Variants in PLAA observed in about 807,000 individuals in gnomAD.
The protein encoded by PLAA is phospholipase A2 activating protein.
In PLAA, 48 loss-of-function variants were observed where a neutral mutation model predicts 84.1. The ratio of observed to expected loss-of-function variants is 0.57; its 90% CI spans 0.45 to 0.73. PLAA has a LOEUF of 0.73. Ranked by LOEUF, PLAA falls within the 30% of genes least tolerant of loss-of-function variation. The probability of loss-of-function intolerance (pLI) is 0.00; values close to 1 mark genes in which losing one functional copy is unlikely to be tolerated. For synonymous variants in PLAA, 392 were observed against 336.6 expected, an observed-to-expected ratio of 1.16 and a Z score of -1.80; for missense variants, 903 against 954.7, an observed-to-expected ratio of 0.95 and a Z score of 0.71.
chr9:26,947,056 T>C lies in PLAA; in HGVS notation c.-11A>G. On this transcript the variant is annotated 5_prime_UTR_variant, in exon 1 of 14. Coordinates refer to ENST00000397292, the MANE Select transcript of PLAA (RefSeq NM_001031689.3). ...TGCGCCGCTCGTCATGGCCAGTGTC[T>C]GTCTGGCGCCCGGTGCCCAGGCACT... 6 of 1,567,662 alleles carry C rather than the reference T, an allele frequency of 3.8e-6. No homozygotes were observed. The highest frequency in any genetic ancestry group is 5.2e-6 in the Non-Finnish European group (6 of 1,157,524).
chr9:26,939,484 C>CAAAAAAAAAAAAAAAA (rs58833364), intron 1 of PLAA, among the ~76,000 whole-genome samples: 1 of 76,922 alleles, frequency 1.3e-5, no homozygotes, highest in Non-Finnish European at 2.8e-5. Context: ...GATGAGAGAC[C>CAAAAAAAAAAAAAAAA]AAAAAAAAAA....
chr9:26,947,013 G>A lies in PLAA; in HGVS notation c.33C>T (p.Ser11=), dbSNP rs769029483. Residue 11 remains serine (S), a synonymous_variant, in exon 1 of 14, where the codon AGC becomes AGT. Coordinates refer to ENST00000397292, the MANE Select transcript of PLAA (RefSeq NM_001031689.3). ...CCAGCTCGTGGCCCCGGAGCGAGCA[G>A]CTCAGCCGGTACCTGGTTGCGCCGC... MTSGATRYRL[S]CSLRGHELDV... The A allele has an allele frequency of 1.3e-6, 2 of 1,592,618 alleles. No homozygotes were observed. Among genetic ancestry groups the A allele is most frequent in the Admixed American group, 1.7e-5 (1 of 57,298 alleles).
chr9:26,907,631 C>A, intron 13 of PLAA: 1 of 520,936 alleles, frequency 1.9e-6, no homozygotes, highest in Non-Finnish European at 3.3e-6. Flanking sequence ...TCATATATTA[C>A]CTTCAGATTC....
chr9:26,916,660 G>C, intron 10 of PLAA: 1 of 991,440 alleles, frequency 1.0e-6, no homozygotes, highest in Non-Finnish European at 1.2e-6. Flanking sequence ...CATCTCGCCA[G>C]TGATAGCACT....
At chr9:26,939,636 G>C (rs1380464160) in intron 1 of PLAA, among the ~76,000 whole-genome samples, 1 of 151,842 alleles carries the variant, frequency 6.6e-6, no homozygotes, top group Non-Finnish European at 1.5e-5. Flanking sequence ...ACATAATCCA[G>C]CTCGGTGCTG....
chr9:26,942,827 C>T (rs55860736), intron 1 of PLAA, among the ~76,000 whole-genome samples: 14,174 of 142,748 alleles, frequency 0.099, 1,429 homozygotes, highest in East Asian at 0.57. Flanking sequence ...TGCAGTGAGC[C>T]GAGACAGCGC....
chr9:26,945,153 G>A (rs994665800), intron 1 of PLAA, among the ~76,000 whole-genome samples: 1 of 152,076 alleles, frequency 6.6e-6, no homozygotes, highest in Non-Finnish European at 1.5e-5. Flanking sequence ...ATAGTTCAAT[G>A]AACAACAAAA....
rs752747417 is a variant in PLAA at position 26,910,377 on chromosome 9, C to T, written c.1618G>A (p.Ala540Thr). The change falls in exon 12 of 14, where the codon GCT (alanine) becomes ACT (threonine). Residue 540 changes from alanine to threonine, a missense_variant. By Grantham distance (58) the Ala-to-Thr change is moderately conservative. Transcript: ENST00000397292. ...TMNIYFPKKEAVTFDQANPTQ... is the reference protein window; with the variant it reads ...TMNIYFPKKETVTFDQANPTQ... The stretch of plus-strand genomic sequence containing the variant: ...GGGTTTGCTTGGTCAAATGTGACAG[C>T]CTCTTTTTTAGGGAAATAAATATTC... 1.2e-6 allele frequency: 2 copies of T among 1,613,252 alleles called. No individual in the cohort carries two copies. Among genetic ancestry groups the T allele is most frequent in the South Asian group, 1.1e-5 (1 of 91,046 alleles).
chr9:26,946,775 G>T, intron 1 of PLAA, 122 bp downstream of exon 1: 1 of 1,112,618 alleles, frequency 9.0e-7, no homozygotes, highest in Non-Finnish European at 1.2e-6. Flanking sequence ...GGAAGGGAGC[G>T]GAGAGCAGAG....
At chr9:26,924,761 T>C (rs1311101485) in intron 6 of PLAA, among the ~76,000 whole-genome samples, 1 of 152,212 alleles carries the variant, frequency 6.6e-6, no homozygotes, top group East Asian at 1.9e-4. Context: ...TAATGGTATA[T>C]CATAAAACTT....
chr9:26,924,228 C>A (rs1824868167), intron 6 of PLAA, among the ~76,000 whole-genome samples: 1 of 151,960 alleles, frequency 6.6e-6, no homozygotes, highest in Non-Finnish European at 1.5e-5. Flanking sequence ...ATTCCCGGGC[C>A]CAAGCAATCC....
chr9:26,945,987 T>G (rs1171317851), intron 1 of PLAA, among the ~76,000 whole-genome samples: 6 of 152,222 alleles, frequency 3.9e-5, no homozygotes, highest in African/African-American at 1.4e-4. Context: ...CATCAGACTG[T>G]AAGAAAGCTC....
chr9:26,913,235 A>G (rs1824450031), intron 11 of PLAA, among the ~76,000 whole-genome samples: 1 of 152,230 alleles, frequency 6.6e-6, no homozygotes, highest in Non-Finnish European at 1.5e-5. Flanking sequence ...CCTGAAAGAG[A>G]TGAACCACAA....
At chr9:26,933,904 G>A (rs551777346) in intron 2 of PLAA, among the ~76,000 whole-genome samples, 12 of 152,186 alleles carry the variant, frequency 7.9e-5, no homozygotes, top group African/African-American at 2.9e-4. Flanking sequence ...CAACTCCTGG[G>A]CTAAAGCAAT....
intron 8 of PLAA, 79 bp from the exon 9 acceptor site, chr9:26,919,608 A>C: frequency 1.3e-6 from 1 of 786,608 alleles, no homozygotes; most frequent in Non-Finnish European, 2.1e-6. Context: ...CATAACACAG[A>C]TGTGTTCTTT....
Position 26,906,057 on chromosome 9 carries a change from A to C in PLAA, c.1842T>G (p.Leu614=), listed in dbSNP as rs573201333. The C allele has an allele frequency of 7.7e-6, 12 of 1,550,632 alleles. No homozygotes were observed. Among genetic ancestry groups the C allele is most frequent in the Non-Finnish European group, 1.0e-5 (12 of 1,147,656 alleles). ...NCPEDIVFPA[L]DILRLSIKHP... is the part of the protein sequence containing the mutation. ...GTTTAATTGACAACCGAAGAATGTC[A>C]AGTGCAGGAAAGACAATATCTATTA... The change falls in exon 14 of 14, where the codon CTT becomes CTG. Residue 614 remains leucine (L), a synonymous_variant. Transcript: ENST00000397292.
chr9:26,941,708 C>T (rs1158652273), intron 1 of PLAA, among the ~76,000 whole-genome samples: 1 of 148,764 alleles, frequency 6.7e-6, no homozygotes, highest in African/African-American at 2.5e-5. Context: ...AACCATGAAA[C>T]AAGGACATAA....
Position 26,919,388 on chromosome 9 carries a change from C to G in PLAA, c.1339G>C (p.Val447Leu). ...NDLNPMFLDQVAKFIIDNTKG... is the reference protein window; with the variant it reads ...NDLNPMFLDQLAKFIIDNTKG... ...GTGTTATCAATAATAAATTTAGCTA[C>G]TTGATCCAGAAACATAGGATTCAAA... The change falls in exon 9 of 14, where the codon GTA (valine) becomes CTA (leucine). Residue 447 changes from valine to leucine, a missense_variant. Val to Leu is a conservative substitution (Grantham distance 32). Coordinates refer to ENST00000397292, the MANE Select transcript of PLAA (RefSeq NM_001031689.3). 2 of 1,613,154 alleles carry G rather than the reference C, an allele frequency of 1.2e-6. No individual in the cohort carries two copies. Among genetic ancestry groups the G allele is most frequent in the Non-Finnish European group, 1.7e-6 (2 of 1,179,584 alleles).
At chr9:26,933,788 CAAAAAAAAAAAA>C (rs199939902) in intron 2 of PLAA, among the ~76,000 whole-genome samples, 1 of 89,232 alleles carries the variant, frequency 1.1e-5, no homozygotes, top group Admixed American at 1.2e-4. Flanking sequence ...GACTCTGCCT[CAAAAAAAAAAAA>C]AAAAAAAAAA....
Sources: allele counts gnomAD v4.1 joint callset (sites outside exome capture counted in the v4.1 genomes callset), GRCh38; gene constraint gnomAD v4.1.1; transcripts MANE v1.5; gene names NCBI Gene and HGNC (gene_info 2026-07-23, HGNC 2026-07-21).